UGT1A3: variants seen among roughly 807,000 people sequenced by gnomAD.
The protein encoded by UGT1A3 is UDP glucuronosyltransferase family 1 member A3, also known as UDP-glucuronosyltransferase 1A3.
In UGT1A3, 31 loss-of-function variants were observed where a neutral mutation model predicts 41.0. The observed-to-expected ratio is 0.76, with a 90% CI of 0.57 to 1.02. UGT1A3 has a LOEUF of 1.02. Among genes scored for constraint, UGT1A3 ranks in the 50% least tolerant of loss-of-function variants. The pLI is 0.00. For synonymous variants in UGT1A3, 262 were observed against 257.6 expected, an observed-to-expected ratio of 1.02 and a Z score of -0.17; for missense variants, 737 against 671.0, an observed-to-expected ratio of 1.10 and a Z score of -1.09.
intron 1 of UGT1A3, chr2:233,752,526 A>C (rs1482911253): frequency 2.0e-5 from 3 of 152,234 alleles, no homozygotes; most frequent in Non-Finnish European, 4.4e-5. Context: ...AATTCTAAAA[A>C]TTCTTTAAAT....
intron 1 of UGT1A3, chr2:233,760,289 T>A: frequency 2.5e-6 from 4 of 1,613,270 alleles, no homozygotes; most frequent in Non-Finnish European, 3.4e-6. Flanking sequence ...AAAGGCGCCA[T>A]GGCTGTGGAG....
Position 233,769,630 on chromosome 2 carries a change from A to G in UGT1A3, c.1307+1191A>G, listed in dbSNP as rs528146282. 1.2e-5 allele frequency: 19 copies of G among 1,611,880 alleles called. 1 individual carries two copies. The Admixed American group carries it at 2.5e-4, about 21-fold the overall frequency. ...CACACCAGCTTGAGCAAGGGACAAC[A>G]GGGGAGGACTGATGACTGACTTCCC... On this transcript the variant is annotated intron_variant, in intron 4 of 4. Coordinates refer to ENST00000482026, the MANE Select transcript of UGT1A3 (RefSeq NM_019093.4). This position sits in a 1 kb window ranked among gnomAD's most constrained non-coding sequence, Gnocchi z 4.4.
intron 1 of UGT1A3, among the ~76,000 whole-genome samples, chr2:233,762,455 C>T (rs960271633): frequency 3.9e-5 from 6 of 152,100 alleles, no homozygotes; most frequent in Admixed American, 6.5e-5. Flanking sequence ...GCCCACTTAC[C>T]GATAATGTCA....
At chr2:233,743,412 T>C (rs1692284250) in intron 1 of UGT1A3, 48 of 1,321,888 alleles carry the variant, frequency 3.6e-5, no homozygotes, top group Non-Finnish European at 4.8e-5. Flanking sequence ...GGCCCCCACT[T>C]CCCAGGGAGC....
At chr2:233,757,551 T>C (rs9711503) in intron 1 of UGT1A3, among the ~76,000 whole-genome samples, 892 of 76,060 alleles carry the variant, frequency 0.012, 7 homozygotes, top group South Asian at 0.018. Flanking sequence ...TATATATATA[T>C]ATATATATAT....
chr2:233,754,489 A>T, intron 1 of UGT1A3: 1 of 357,276 alleles, frequency 2.8e-6, no homozygotes. Context: ...TTTCAATCCT[A>T]AAAAAAGTCC....
intron 1 of UGT1A3, among the ~76,000 whole-genome samples, chr2:233,762,572 C>A (rs947472049): frequency 6.6e-6 from 1 of 152,114 alleles, no homozygotes; most frequent in Non-Finnish European, 1.5e-5. Flanking sequence ...GTCTAGTTCC[C>A]CACAGAGGAA....
At position 233,729,423 on chromosome 2, in the gene UGT1A3, G is replaced by A; in HGVS notation, c.297G>A (p.Leu99=). The part of the protein sequence containing the change: ...FDRHVLGHTQ[L]YFETEHFLKK... ...GCCATGTGCTGGGCCACACTCAACT[G>A]TACTTTGAAACAGAACATTTTCTGA... The change falls in exon 1 of 5, where the codon CTG becomes CTA. Residue 99 remains leucine (L), a synonymous_variant. Coordinates refer to ENST00000482026, the MANE Select transcript of UGT1A3 (RefSeq NM_019093.4). 1.2e-6 allele frequency: 2 copies of A among 1,613,822 alleles called. No individual in the cohort carries two copies. Among genetic ancestry groups the A allele is most frequent in the East Asian group, 4.5e-5 (2 of 44,888 alleles).
In UGT1A3 at chr2:233,766,921, C is replaced by T. The variant is rs6708136; in HGVS notation, c.868-113C>T. 45,255 of 1,558,610 alleles carry T rather than the reference C, an allele frequency of 0.029. 712 individuals are homozygous for T. The highest frequency in any genetic ancestry group is 0.049 in the African/African-American group (3,601 of 72,856). Reference sequence around the variant, plus strand: ...ATAATTTTTTACTCTATCTCAAACACGCATGCCTTTAATCATAGTCTTAAG... The same window carrying T: ...ATAATTTTTTACTCTATCTCAAACATGCATGCCTTTAATCATAGTCTTAAG... On this transcript the variant is annotated intron_variant, in intron 1 of 4. Coordinates refer to ENST00000482026, the MANE Select transcript of UGT1A3 (RefSeq NM_019093.4).
At position 233,747,601 on chromosome 2, in the gene UGT1A3, AGCTACT is replaced by A. The variant is rs1032585099; in HGVS notation, c.867+17611_867+17616del. 3.2e-6 allele frequency: 5 copies of A among 1,575,002 alleles called. No individual in the cohort carries two copies. In the African/African-American group the frequency reaches 6.8e-5, roughly 21 times the overall value. The stretch of plus-strand genomic sequence containing the variant: ...TTGGTCTTTCATAGGTCTTGTGTGG[AGCTACT>A]GCATAATGAGGCCCTGATCAGGCAC... On this transcript the variant is annotated intron_variant, in intron 1 of 4. Transcript: ENST00000482026.
rs541267003 is a variant in UGT1A3, at chr2:233,744,012, G to T, written c.867+14019G>T. 67 of 1,089,588 alleles carry T rather than the reference G, an allele frequency of 6.1e-5. 1 individual carries two copies. Among genetic ancestry groups the T allele is most frequent in the Non-Finnish European group, 7.2e-5 (60 of 828,198 alleles). The allele number at this position is 1,089,588 out of a possible 1,614,324, so 67.5% of individuals were successfully genotyped here. ...GCCCGAGTGCTCGGAGACCTGGGCC[G>T]CCTGGAGAGACGCCCCTTATGACGC... On this transcript the variant is annotated intron_variant, in intron 1 of 4. Transcript: ENST00000482026.
rs886044683 is a variant in UGT1A3 at position 233,760,424 on chromosome 2, C to T, written c.868-6610C>T. The T allele has an allele frequency of 3.3e-5, 53 of 1,614,062 alleles. No individual in the cohort carries two copies. Among genetic ancestry groups the T allele is most frequent in the Non-Finnish European group, 4.4e-5 (52 of 1,180,038 alleles). On this transcript the variant is annotated intron_variant, in intron 1 of 4. Coordinates refer to ENST00000482026, the MANE Select transcript of UGT1A3 (RefSeq NM_019093.4). ...AGCCACTGGCTGAGCATGCTTGGGG[C>T]CATCCAGCAGCTGCAGCAGAGGGGA...
At chr2:233,760,083 G>C (rs1163366183) in intron 1 of UGT1A3, among the ~76,000 whole-genome samples, 1 of 152,198 alleles carries the variant, frequency 6.6e-6, no homozygotes, top group Non-Finnish European at 1.5e-5. Context: ...ATTCCAGCCA[G>C]TTCAACTGTT....
chr2:233,768,052 A>T, intron 3 of UGT1A3, 116 bp downstream of exon 3: 1 of 1,605,578 alleles, frequency 6.2e-7, no homozygotes, highest in South Asian at 1.1e-5. Context: ...AACATATCCT[A>T]CATTGCTTTT....
At chr2:233,760,492 A>G in intron 1 of UGT1A3, 1 of 1,614,288 alleles carries the variant, frequency 6.2e-7, no homozygotes. Context: ...GTTGTACATC[A>G]GAGACGGAGC....
intron 1 of UGT1A3, chr2:233,743,466 A>C (rs1692304653): frequency 7.3e-7 from 1 of 1,366,560 alleles, no homozygotes; most frequent in South Asian, 1.1e-5. Flanking sequence ...AAACACCCCC[A>C]AAAGCTGGAA....
chr2:233,760,960 G>C (rs144721642), intron 1 of UGT1A3: 1 of 1,614,048 alleles, frequency 6.2e-7, no homozygotes, highest in Non-Finnish European at 8.5e-7. Flanking sequence ...TCTGTGCGAC[G>C]TGGTTTATTC....
Position 233,772,431 on chromosome 2 carries a change from A to T in UGT1A3, c.1477A>T (p.Ile493Phe). ...GTACCAGTACCATTCCTTGGACGTG[A>T]TTGGTTTCCTCTTGGCCGTCGTGCT... ...TWYQYHSLDV[I>F]GFLLAVVLTV... The change falls in exon 5 of 5, where the codon ATT becomes TTT. Residue 493 changes from isoleucine to phenylalanine, a missense_variant. Ile to Phe is a conservative substitution (Grantham distance 21, BLOSUM62 0). Coordinates refer to ENST00000482026, the MANE Select transcript of UGT1A3 (RefSeq NM_019093.4). 1 of 1,614,128 alleles carries T rather than the reference A, an allele frequency of 6.2e-7. No individual in the cohort carries two copies. Among genetic ancestry groups the T allele is most frequent in the Non-Finnish European group, 8.5e-7 (1 of 1,180,030 alleles).
chr2:233,740,013 C>A (rs28899769), intron 1 of UGT1A3, among the ~76,000 whole-genome samples: 1 of 151,838 alleles, frequency 6.6e-6, no homozygotes, highest in African/African-American at 2.4e-5. Context: ...AGTGAGTTCT[C>A]ATGAGAGCTG....
Sources: gnomAD v4.1 joint callset for allele counts (sites outside exome capture counted in the v4.1 genomes callset) on GRCh38, gnomAD v4.1.1 for gene constraint, Gnocchi (gnomAD v3.1) non-coding constraint, MANE v1.5 for transcripts, NCBI Gene and HGNC (gene_info 2026-07-23, HGNC 2026-07-21) for gene names.